Variants in MFAP4 observed in about 807,000 individuals in gnomAD.
The protein encoded by MFAP4 is microfibril-associated glycoprotein 4.
Under a neutral mutation model 32.4 loss-of-function variants are expected in MFAP4, and 20 were observed. The observed-to-expected ratio is 0.62, with a 90% CI of 0.43 to 0.90. MFAP4 has a LOEUF of 0.90. MFAP4 is among the 40% of genes least tolerant of loss of function. The pLI is 0.00. For synonymous variants in MFAP4, 146 were observed against 137.4 expected, an observed-to-expected ratio of 1.06 and a Z score of -0.44; for missense variants, 267 against 329.5, an observed-to-expected ratio of 0.81 and a Z score of 1.47.
At chr17:19,386,888 TC>T in intron 1 of MFAP4, 50 bp from the exon 2 acceptor site, 1 of 1,518,614 alleles carries the variant, frequency 6.6e-7, no homozygotes, top group Non-Finnish European at 8.9e-7. Flanking sequence ...GCTCCAGAGA[TC>T]CCCTGTTCTC....
At chr17:19,386,976 T>TCTCCC in intron 1 of MFAP4, 138 bp from the exon 2 acceptor site, 1 of 590,550 alleles carries the variant, frequency 1.7e-6, no homozygotes, top group South Asian at 1.6e-5. Flanking sequence ...CCCTCTTCCC[T>TCTCCC]GCCCCCCCAC....
chr17:19,385,382 G>T lies in MFAP4; in HGVS notation c.313C>A (p.Arg105Ser). 1.9e-6 allele frequency: 3 copies of T among 1,614,246 alleles called. No homozygotes were observed. The highest frequency in any genetic ancestry group is 2.5e-6 in the Non-Finnish European group (3 of 1,180,042). Residue 105 changes from arginine (R) to serine (S), a missense_variant, in exon 4 of 6, where the codon CGT becomes AGT. By Grantham distance (110) the Arg-to-Ser change is moderately radical. This residue lies in a region of MFAP4 where 223 missense variants were observed against 253.3 expected (regional missense o/e 0.88). Coordinates refer to ENST00000299610, the MANE Select transcript of MFAP4 (RefSeq NM_002404.3). ...GWNDYKLGFGRADGEYWLGLQ... is the reference protein window; with the variant it reads ...GWNDYKLGFGSADGEYWLGLQ... ...CCCAGCCAGTACTCTCCATCAGCAC[G>T]GCCGAAGCCCAGCTTGTAGTCATTC...
At chr17:19,385,585 GA>G in intron 3 of MFAP4, 131 bp from the exon 4 acceptor site, 3 of 611,400 alleles carry the variant, frequency 4.9e-6, no homozygotes, top group Non-Finnish European at 5.9e-6. Flanking sequence ...TGGGGGTGGG[GA>G]GGGTGGTGGG....
At position 19,384,153 on chromosome 17, in the gene MFAP4, T is replaced by G; in HGVS notation, c.*309A>C. On this transcript the variant is annotated 3_prime_UTR_variant, in exon 6 of 6. Transcript: ENST00000299610. ...GAGAGTGGCTCCTGGCTGTCAGCTGTTGGGACAGGTTGGAGGCAACTCATT... is the reference window on the plus strand; with the variant it reads ...GAGAGTGGCTCCTGGCTGTCAGCTGGTGGGACAGGTTGGAGGCAACTCATT... 1 of 372,764 alleles carries G rather than the reference T, an allele frequency of 2.7e-6. No individual in the cohort carries two copies. The highest frequency in any genetic ancestry group is 2.6e-5 in the South Asian group (1 of 38,478). The allele number at this position is 372,764 out of a possible 1,614,324, so 23.1% of individuals were successfully genotyped here. A position where few individuals can be genotyped will look rare whatever the true frequency, so the allele number is the denominator to read the frequency against.
intron 3 of MFAP4, 57 bp downstream of exon 3, chr17:19,386,253 G>A: frequency 6.9e-7 from 1 of 1,452,724 alleles, no homozygotes; most frequent in Non-Finnish European, 9.2e-7. Context: ...GTGAAGCCCA[G>A]GGTCACAGGG....
In MFAP4 at chr17:19,386,894, G is replaced by A. The variant is rs1475395505; in HGVS notation, c.7-56C>T. ...CCCTTCCCAGCTCCAGAGATCCCCTGTTCTCTTTGCATTTGCCCCCACCAT... is the reference window on the plus strand; with the variant it reads ...CCCTTCCCAGCTCCAGAGATCCCCTATTCTCTTTGCATTTGCCCCCACCAT... On this transcript the variant is annotated intron_variant, in intron 1 of 5. Transcript: ENST00000299610. 3 of 1,522,634 alleles carry A rather than the reference G, an allele frequency of 2.0e-6. No homozygotes were observed. In the African/African-American group the frequency reaches 4.1e-5, roughly 21 times the overall value. 94.3% of individuals were successfully genotyped at this position (1,522,634 alleles called of 1,614,324 possible).
rs752598193 is a variant in MFAP4 at position 19,384,599 on chromosome 17, T to G, written c.631A>C (p.Ser211Arg). The G allele has an allele frequency of 6.2e-7, 1 of 1,614,000 alleles. No individual in the cohort carries two copies. Among genetic ancestry groups the G allele is most frequent in the Non-Finnish European group, 8.5e-7 (1 of 1,179,992 alleles). The change falls in exon 6 of 6, where the codon AGC (serine) becomes CGC (arginine). Residue 211 changes from serine to arginine, a missense_variant. Ser to Arg is a moderately radical substitution (Grantham distance 110). Around this residue, in one of 3 missense-constraint regions of MFAP4, gnomAD observed 25 missense variants for 57.5 expected, o/e 0.43. Coordinates refer to ENST00000299610, the MANE Select transcript of MFAP4 (RefSeq NM_002404.3). ...ALSSGAFWFRSCHFANLNGFY... is the reference protein window; with the variant it reads ...ALSSGAFWFRRCHFANLNGFY... ...CCATTGAGGTTGGCAAAGTGGCAGC[T>G]GCGGAACCAGAAGGCTCCTGAGGAG... is the stretch of plus-strand genomic sequence containing the variant.
At chr17:19,385,635 C>A (rs1400341957) in intron 3 of MFAP4, among the ~76,000 whole-genome samples, 181 bp from the exon 4 acceptor site, 1 of 151,946 alleles carries the variant, frequency 6.6e-6, no homozygotes, top group Non-Finnish European at 1.5e-5. Flanking sequence ...TGGCACCAGG[C>A]CCCCTGTGGA....
At chr17:19,385,633 G>GA (rs1913006472) in intron 3 of MFAP4, among the ~76,000 whole-genome samples, 179 bp from the exon 4 acceptor site, 1 of 148,058 alleles carries the variant, frequency 6.8e-6, no homozygotes, top group African/African-American at 2.6e-5. Context: ...ATTGGCACCA[G>GA]GCCCCCTGTG....
chr17:19,386,566 T>C (rs1178523784), intron 2 of MFAP4, 102 bp from the exon 3 acceptor site: 8 of 1,370,522 alleles, frequency 5.8e-6, no homozygotes, highest in Non-Finnish European at 8.1e-6. Flanking sequence ...TGGGGGACTT[T>C]GACACAAGGA....
intron 3 of MFAP4, 100 bp downstream of exon 3, chr17:19,386,210 A>G (rs974596201): frequency 2.6e-6 from 3 of 1,136,536 alleles, no homozygotes; most frequent in African/African-American, 1.6e-5. Flanking sequence ...CATTATCCCC[A>G]TTTTAAAGAT....
At chr17:19,386,972 T>TGGCGGGGGGCCCCCCCCCCC in intron 1 of MFAP4, 134 bp from the exon 2 acceptor site, 1 of 937,008 alleles carries the variant, frequency 1.1e-6, no homozygotes, top group Non-Finnish European at 1.7e-6. Flanking sequence ...TGGCCCCTCT[T>TGGCGGGGGGCCCCCCCCCCC]CCCTGCCCCC....
At chr17:19,386,972 T>TGCCAGGGC in intron 1 of MFAP4, 134 bp from the exon 2 acceptor site, 1 of 937,014 alleles carries the variant, frequency 1.1e-6, no homozygotes, top group Non-Finnish European at 1.7e-6. Context: ...TGGCCCCTCT[T>TGCCAGGGC]CCCTGCCCCC....
chr17:19,386,977 G>GCCCCCCCCCCCCCCCCCCCCCACAAC, intron 1 of MFAP4, 139 bp from the exon 2 acceptor site: 1 of 689,460 alleles, frequency 1.5e-6, no homozygotes, highest in Non-Finnish European at 2.4e-6. Context: ...CCTCTTCCCT[G>GCCCCCCCCCCCCCCCCCCCCCACAAC]CCCCCCCACC....
In MFAP4 at chr17:19,384,528, G is replaced by A. The variant is rs372149682; in HGVS notation, c.702C>T (p.Asn234=). The A allele has an allele frequency of 6.2e-6, 10 of 1,613,218 alleles. No homozygotes were observed. In the African/African-American group the frequency reaches 1.3e-4, roughly 22 times the overall value. The stretch of plus-strand genomic sequence containing the variant: ...AGTAGAAGCCCTTCCACTGGGCCCA[G>A]TTGATGCCATTGGCATAAGAGAGGT... The part of the protein sequence containing the change: ...GSHLSYANGI[N]WAQWKGFYYS... The change falls in exon 6 of 6, where the codon AAC becomes AAT. Residue 234 remains asparagine (N), a synonymous_variant. Transcript: ENST00000299610.
At position 19,384,261 on chromosome 17, in the gene MFAP4, G is replaced by T; in HGVS notation, c.*201C>A. The T allele has an allele frequency of 1.6e-6, 1 of 615,250 alleles. No individual in the cohort carries two copies. The highest frequency in any genetic ancestry group is 2.8e-6 in the Non-Finnish European group (1 of 356,190). 38.1% of individuals were successfully genotyped at this position (615,250 alleles called of 1,614,324 possible). A position where few individuals can be genotyped will look rare whatever the true frequency, so the allele number is the denominator to read the frequency against. On this transcript the variant is annotated 3_prime_UTR_variant, in exon 6 of 6. Coordinates refer to ENST00000299610, the MANE Select transcript of MFAP4 (RefSeq NM_002404.3). ...GGAACTGCTGGCAGTGTAACTTCAG[G>T]TGTAGGGGAGCCGGGTCTGGCTTAG...
At chr17:19,386,984 C>CCCCCCCCCCCCCCCCCT in intron 1 of MFAP4, 146 bp from the exon 2 acceptor site, 5 of 908,276 alleles carry the variant, frequency 5.5e-6, no homozygotes, top group Non-Finnish European at 8.7e-6. Flanking sequence ...CCTGCCCCCC[C>CCCCCCCCCCCCCCCCCT]ACCCCGCCCG....
chr17:19,386,277 C>A, intron 3 of MFAP4, 33 bp downstream of exon 3: 1 of 1,523,384 alleles, frequency 6.6e-7, no homozygotes, highest in Non-Finnish European at 8.8e-7. Flanking sequence ...GGATTAGAAC[C>A]AGCTCTGGCC....
intron 2 of MFAP4, 142 bp from the exon 3 acceptor site, chr17:19,386,606 G>T: frequency 8.1e-7 from 1 of 1,239,022 alleles, no homozygotes; most frequent in Non-Finnish European, 1.2e-6. Flanking sequence ...AGGGAGATGA[G>T]CAATGCTTAT....
Sources: allele counts gnomAD v4.1 joint callset (sites outside exome capture counted in the v4.1 genomes callset), GRCh38; gene constraint gnomAD v4.1.1; regional missense constraint gnomAD v4.1.1; transcripts MANE v1.5; gene names NCBI Gene and HGNC (gene_info 2026-07-23, HGNC 2026-07-21).